The following RIC8B variants were observed in gnomAD, a reference collection of about 807,000 sequenced individuals.
RIC8B encodes chaperone Ric-8B.
In RIC8B, 16 loss-of-function variants were observed where a neutral mutation model predicts 57.5. The observed-to-expected ratio is 0.28, with a 90% confidence interval of 0.19 to 0.42. The LOEUF (loss-of-function observed/expected upper bound fraction) is 0.42, where lower values mean the gene tolerates loss of function less well. RIC8B is among the 10% of genes least tolerant of loss of function. The pLI, the probability that RIC8B is intolerant of heterozygous loss-of-function variation, is 1.00. For synonymous variants in RIC8B, 216 were observed against 250.8 expected (o/e 0.86, Z 1.31); for missense variants, 481 against 677.0 (o/e 0.71, Z 3.21).
intron 9 of RIC8B, among the ~76,000 whole-genome samples, chr12:106,885,006 C>A (rs1031189876): frequency 6.6e-6 from 1 of 152,136 alleles, no homozygotes; most frequent in Non-Finnish European, 1.5e-5. Flanking sequence ...CTCTTCAAGG[C>A]CACTCTTAAG....
intron 2 of RIC8B, among the ~76,000 whole-genome samples, chr12:106,804,360 G>T (rs539458150): frequency 1.3e-5 from 2 of 151,938 alleles, no homozygotes; most frequent in African/African-American, 2.4e-5. Flanking sequence ...GATTACAGGC[G>T]CCCACTACCA....
At chr12:106,882,404 A>AT (rs1315604185) in intron 9 of RIC8B, among the ~76,000 whole-genome samples, 1 of 152,156 alleles carries the variant, frequency 6.6e-6, no homozygotes, top group Non-Finnish European at 1.5e-5. Context: ...TCCAAAACCT[A>AT]TATGTGCTTT....
intron 4 of RIC8B, among the ~76,000 whole-genome samples, chr12:106,841,994 C>A (rs1311909121): frequency 6.6e-6 from 1 of 152,130 alleles, no homozygotes; most frequent in East Asian, 1.9e-4. Flanking sequence ...ATATTAACTT[C>A]ATTTAGAGAC....
At chr12:106,835,031 A>G (rs1365403726) in intron 4 of RIC8B, among the ~76,000 whole-genome samples, 2 of 147,104 alleles carry the variant, frequency 1.4e-5, no homozygotes, top group African/African-American at 5.0e-5. Flanking sequence ...TTCTTCCCAC[A>G]CCCAGTAGAT....
At chr12:106,776,826 C>T (rs978245213) in intron 1 of RIC8B, among the ~76,000 whole-genome samples, 4 of 152,190 alleles carry the variant, frequency 2.6e-5, no homozygotes, top group African/African-American at 9.7e-5. Flanking sequence ...CCTGAGAGTG[C>T]TCTGACTAGA....
chr12:106,846,231 T>C (rs573373188), intron 6 of RIC8B, among the ~76,000 whole-genome samples: 2 of 152,182 alleles, frequency 1.3e-5, no homozygotes, highest in Admixed American at 1.3e-4. Context: ...TTAACATACC[T>C]CAAACTAATA....
intron 2 of RIC8B, among the ~76,000 whole-genome samples, chr12:106,806,646 C>CCCTT (rs1191101775): frequency 1.6e-4 from 24 of 152,046 alleles, no homozygotes; most frequent in African/African-American, 5.3e-4. Flanking sequence ...CCTGACCAAC[C>CCCTT]TGGTGAAACC....
At position 106,888,247 on chromosome 12, in the gene RIC8B, A is replaced by G. The variant is rs529053125; in HGVS notation, c.*2232A>G. On this transcript the variant is annotated 3_prime_UTR_variant, in exon 10 of 10. Transcript: ENST00000392837. Reference sequence around the variant, plus strand: ...TTCAGTGAGTTCTGTTTCATTTTGCATTTCTCTGCACTGGGCACTAAGCTT... The same window carrying G: ...TTCAGTGAGTTCTGTTTCATTTTGCGTTTCTCTGCACTGGGCACTAAGCTT... 6.6e-6 allele frequency: 1 copy of G among 152,258 alleles called. No individual in the cohort carries two copies. Among genetic ancestry groups the G allele is most frequent in the Admixed American group, 6.5e-5 (1 of 15,278 alleles). 9.4% of individuals were successfully genotyped at this position (152,258 alleles called of 1,614,324 possible). A position where few individuals can be genotyped will look rare whatever the true frequency, so the allele number is the denominator to read the frequency against.
chr12:106,886,014 A>G lies in RIC8B; in HGVS notation c.1682A>G (p.Ter561=). 5 of 1,598,674 alleles carry G rather than the reference A, an allele frequency of 3.1e-6. No homozygotes were observed. Among genetic ancestry groups the G allele is most frequent in the Non-Finnish European group, 4.3e-6 (5 of 1,166,208 alleles). ...GAAGAGACCAGCTCTGACACAGACT[A>G]AAAGCATCACCTGCTCAACTCTCAA... The part of the protein sequence containing the change: ...VIEETSSDTD[*] Residue 561 remains the stop codon, a stop_retained_variant, in exon 10 of 10, where the codon TAA becomes TGA. Coordinates refer to ENST00000392837, the MANE Select transcript of RIC8B (RefSeq NM_001330145.2).
chr12:106,862,445 C>G (rs953824034), intron 8 of RIC8B, among the ~76,000 whole-genome samples: 11 of 152,000 alleles, frequency 7.2e-5, no homozygotes, highest in Admixed American at 2.0e-4. Context: ...ATAAAGTACT[C>G]TGCAAGCAGG....
chr12:106,849,034 A>G (rs1323717623), intron 6 of RIC8B, among the ~76,000 whole-genome samples: 1 of 152,134 alleles, frequency 6.6e-6, no homozygotes, highest in Non-Finnish European at 1.5e-5. Flanking sequence ...ATGTACTTCA[A>G]TAGAATGAAT....
At chr12:106,876,404 A>G (rs966873565) in intron 9 of RIC8B, among the ~76,000 whole-genome samples, 1 of 152,184 alleles carries the variant, frequency 6.6e-6, no homozygotes, top group Non-Finnish European at 1.5e-5. Flanking sequence ...AACATTTAAG[A>G]GTACATACAC....
intron 9 of RIC8B, 26 bp from the exon 10 acceptor site, chr12:106,885,878 T>C (rs768025145): frequency 1.4e-6 from 2 of 1,481,086 alleles, no homozygotes; most frequent in Non-Finnish European, 1.9e-6. Flanking sequence ...TACTTTTTTT[T>C]CTCTCTCTTT....
intron 2 of RIC8B, among the ~76,000 whole-genome samples, chr12:106,811,520 A>C (rs1277322454): frequency 6.6e-6 from 1 of 152,126 alleles, no homozygotes; most frequent in Non-Finnish European, 1.5e-5. Flanking sequence ...TTTAGAGTCC[A>C]CTCTAGGATT....
rs113088639 is a variant in RIC8B at position 106,819,416 on chromosome 12, G to A, written c.741+4112G>A. Among the ~76,000 whole-genome samples, 432 of 152,202 alleles carry A rather than the reference G, an allele frequency of 2.8e-3. 3 individuals are homozygous for A. The highest frequency in any genetic ancestry group is 9.8e-3 in the African/African-American group (408 of 41,540). ...TGATGACCACCTTCTAACTTCTTGT[G>A]AAATAATACATACTTATAAGTATAA... On this transcript the variant is annotated intron_variant, in intron 3 of 9. Transcript: ENST00000392837.
Position 106,774,847 on chromosome 12 carries a change from C to T in RIC8B, c.84+18C>T. On this transcript the variant is annotated intron_variant, in intron 1 of 9. Transcript: ENST00000392837. ...GCGACAAGGTAAAGAGTCCTGGCCCCGGGCGTGCGGTATCGCACCCCCGGG... is the reference window on the plus strand; with the variant it reads ...GCGACAAGGTAAAGAGTCCTGGCCCTGGGCGTGCGGTATCGCACCCCCGGG... The T allele has an allele frequency of 6.5e-7, 1 of 1,542,124 alleles. No homozygotes were observed. The highest frequency in any genetic ancestry group is 8.8e-7 in the Non-Finnish European group (1 of 1,140,426).
At chr12:106,825,628 A>G in intron 3 of RIC8B, 98 bp from the exon 4 acceptor site, 4 of 807,346 alleles carry the variant, frequency 5.0e-6, no homozygotes, top group Non-Finnish European at 8.6e-6. Flanking sequence ...TGGTATAAGA[A>G]TGCTTGTTTG....
intron 7 of RIC8B, among the ~76,000 whole-genome samples, chr12:106,852,895 T>C (rs1204551037): frequency 5.3e-5 from 8 of 152,270 alleles, no homozygotes; most frequent in Non-Finnish European, 1.0e-4. Context: ...CTGTAAATAT[T>C]GGCTGAATTG....
chr12:106,787,583 G>A (rs1488426940), intron 2 of RIC8B, among the ~76,000 whole-genome samples: 1 of 152,126 alleles, frequency 6.6e-6, no homozygotes, highest in African/African-American at 2.4e-5. Context: ...AATTGCACGT[G>A]GCTGGGGAGG....
Sources: gnomAD v4.1 joint callset for allele counts (sites outside exome capture counted in the v4.1 genomes callset) on GRCh38, gnomAD v4.1.1 for gene constraint, MANE v1.5 for transcripts, NCBI Gene and HGNC (gene_info 2026-07-23, HGNC 2026-07-21) for gene names.